Variants in BRD4 observed in about 807,000 individuals in gnomAD.
The protein encoded by BRD4 is bromodomain containing 4, also known as bromodomain-containing protein 4.
Under a neutral mutation model 142.1 loss-of-function variants are expected in BRD4, and 16 were observed. The observed-to-expected ratio is 0.11, with a 90% CI of 0.08 to 0.17. The LOEUF is 0.17. BRD4 is among the 10% of genes least tolerant of loss of function. The pLI is 1.00. For synonymous variants in BRD4, 833 were observed against 707.5 expected (o/e 1.18, Z -2.82); for missense variants, 1,424 against 1,810.9 (o/e 0.79, Z 3.88).
At chr19:15,320,441 G>A (rs1362968120) in intron 1 of BRD4, among the ~76,000 whole-genome samples, 1 of 152,090 alleles carries the variant, frequency 6.6e-6, no homozygotes, top group Admixed American at 6.5e-5. Context: ...ACTAACAATA[G>A]TTACTAGTAA....
At chr19:15,313,717 T>A (rs565109863) in intron 1 of BRD4, among the ~76,000 whole-genome samples, 3 of 152,172 alleles carry the variant, frequency 2.0e-5, no homozygotes, top group African/African-American at 7.2e-5. Flanking sequence ...AACTGTTTAA[T>A]GTATTAATAT....
chr19:15,306,413 C>T (rs770571241), intron 1 of BRD4, among the ~76,000 whole-genome samples: 7 of 152,126 alleles, frequency 4.6e-5, no homozygotes, highest in Non-Finnish European at 8.8e-5. Context: ...GGACCACAGG[C>T]GTGTGCCACC....
intron 1 of BRD4, among the ~76,000 whole-genome samples, chr19:15,326,522 T>A (rs972894075): frequency 6.6e-6 from 1 of 151,986 alleles, no homozygotes; most frequent in East Asian, 1.9e-4. Flanking sequence ...ACAAAGAACT[T>A]CACTACAACC....
In BRD4 at chr19:15,254,143, T is replaced by C. The variant is rs199836000; in HGVS notation, c.2158+9A>G. ...TTTGGTAAGACACGTAGAACACAAGTCACCTAACCTGTTTCGGAGTCTTCG... is the reference window on the plus strand; with the variant it reads ...TTTGGTAAGACACGTAGAACACAAGCCACCTAACCTGTTTCGGAGTCTTCG... On this transcript the variant is annotated intron_variant, in intron 11 of 19. Coordinates refer to ENST00000679869, the MANE Select transcript of BRD4 (RefSeq NM_001379291.1). 6.2e-7 allele frequency: 1 copy of C among 1,611,650 alleles called. No homozygotes were observed. Among genetic ancestry groups the C allele is most frequent in the Admixed American group, 1.7e-5 (1 of 60,012 alleles).
intron 1 of BRD4, among the ~76,000 whole-genome samples, chr19:15,330,230 C>A (rs1296633348): frequency 6.6e-6 from 1 of 152,136 alleles, no homozygotes; most frequent in Non-Finnish European, 1.5e-5. Flanking sequence ...CCAGTTTGAG[C>A]CTTTAAGATA....
intron 4 of BRD4, 103 bp from the exon 5 acceptor site, chr19:15,265,746 TG>T: frequency 8.0e-7 from 1 of 1,254,920 alleles, no homozygotes. Flanking sequence ...CACATTCGCG[TG>T]TTGCATTTGC....
Position 15,239,294 on chromosome 19 carries a change from G to T in BRD4, c.3577-30C>A. On this transcript the variant is annotated intron_variant, in intron 17 of 19. Transcript: ENST00000679869. The surrounding 1 kb of genome is among the most constrained non-coding windows in gnomAD (Gnocchi z 7.4). ...AGAACAGAGAGGTTGGGGTGGGTGA[G>T]GGGTCTGCTGTGCCTAAAGGGCATA... The T allele has an allele frequency of 6.2e-7, 1 of 1,613,346 alleles. No individual in the cohort carries two copies. Among genetic ancestry groups the T allele is most frequent in the South Asian group, 1.1e-5 (1 of 91,064 alleles).
intron 7 of BRD4, chr19:15,257,465 C>A: frequency 2.1e-6 from 1 of 477,950 alleles, no homozygotes; most frequent in Non-Finnish European, 3.7e-6. Flanking sequence ...GAGACCCAGG[C>A]CACTAAGACA....
rs1287515893 is a variant in BRD4 at position 15,249,124 on chromosome 19, A to C, written c.2159-4362T>G. 7.8e-6 allele frequency: 10 copies of C among 1,289,030 alleles called. No homozygotes were observed. In the African/African-American group the frequency reaches 1.3e-4, roughly 17 times the overall value. 79.8% of individuals were successfully genotyped at this position (1,289,030 alleles called of 1,614,324 possible). On this transcript the variant is annotated intron_variant, in intron 11 of 19. Transcript: ENST00000679869. ...GACTAGGCGTGTGCTGCTGGACATG[A>C]CTAATCCACCCCGGGGGACAGGCCC... is the stretch of plus-strand genomic sequence containing the variant.
At chr19:15,321,868 C>T (rs910790176) in intron 1 of BRD4, among the ~76,000 whole-genome samples, 3 of 152,164 alleles carry the variant, frequency 2.0e-5, no homozygotes, top group African/African-American at 7.2e-5. Flanking sequence ...CTCCAACTTC[C>T]CTCACCCTAC....
intron 7 of BRD4, among the ~76,000 whole-genome samples, chr19:15,262,416 AAAG>A (rs1435636250): frequency 6.6e-6 from 1 of 152,004 alleles, no homozygotes; most frequent in South Asian, 2.1e-4. Flanking sequence ...AGAATTTAAA[AAAG>A]AAGATGAGTC....
intron 1 of BRD4, among the ~76,000 whole-genome samples, chr19:15,326,153 TAAA>T (rs755812111): frequency 9.9e-6 from 1 of 100,886 alleles, no homozygotes; most frequent in Non-Finnish European, 2.0e-5. Flanking sequence ...AATGTAGCAT[TAAA>T]AAAAAAAAAA....
chr19:15,324,282 T>C (rs1485879097), intron 1 of BRD4, among the ~76,000 whole-genome samples: 1 of 152,220 alleles, frequency 6.6e-6, no homozygotes, highest in East Asian at 1.9e-4. Flanking sequence ...TCAAATTTAT[T>C]CACATTCTCT....
intron 1 of BRD4, among the ~76,000 whole-genome samples, chr19:15,274,765 A>G (rs886987102): frequency 5.9e-5 from 9 of 152,250 alleles, no homozygotes; most frequent in African/African-American, 2.2e-4. Context: ...ACTTGCAGCA[A>G]AGCCAAGGGA....
chr19:15,296,008 T>C (rs1042076918), intron 1 of BRD4, among the ~76,000 whole-genome samples: 2 of 151,652 alleles, frequency 1.3e-5, no homozygotes, highest in African/African-American at 4.9e-5. Flanking sequence ...TATGATTGTT[T>C]AGGTAAAGAA....
rs763100026 is a variant in BRD4, at chr19:15,239,094, C to T, written c.3747G>A (p.Glu1249=). 3.3e-5 allele frequency: 53 copies of T among 1,606,502 alleles called. No individual in the cohort carries two copies. The highest frequency in any genetic ancestry group is 2.5e-6 in the Non-Finnish European group (3 of 1,179,286). The change falls in exon 18 of 20, where the codon GAG becomes GAA. Residue 1249 remains glutamate, a synonymous_variant. Coordinates refer to ENST00000679869, the MANE Select transcript of BRD4 (RefSeq NM_001379291.1). The surrounding 1 kb of genome is among the most constrained non-coding windows in gnomAD (Gnocchi z 7.4). ...CCTGCCGCAGCCGCTCCTTCTCCTT[C>T]TCAGCGTGCTCGGCCTGAGCCTTCA... ...KALKAQAEHA[E]KEKERLRQER...
chr19:15,263,410 C>T lies in BRD4; in HGVS notation c.1341+10G>A. ...TCTGCTGAGGGTGGCTGCGCCCTCC[C>T]AAGCCTCACCTGGAGCTTGCGGGCC... On this transcript the variant is annotated intron_variant, in intron 7 of 19. Transcript: ENST00000679869. The T allele has an allele frequency of 2.5e-6, 4 of 1,613,254 alleles. No homozygotes were observed. Among genetic ancestry groups the T allele is most frequent in the Non-Finnish European group, 2.5e-6 (3 of 1,179,188 alleles).
intron 1 of BRD4, among the ~76,000 whole-genome samples, chr19:15,295,549 C>T (rs1304319785): frequency 6.6e-6 from 1 of 152,178 alleles, no homozygotes; most frequent in Non-Finnish European, 1.5e-5. Context: ...GATGCTTTCC[C>T]CCTGCATCTG....
chr19:15,299,683 A>T (rs1264982764), intron 1 of BRD4, among the ~76,000 whole-genome samples: 2 of 152,242 alleles, frequency 1.3e-5, no homozygotes, highest in Non-Finnish European at 2.9e-5. Flanking sequence ...TCAGTGGCCC[A>T]GCATGAGTGG....
Sources: gnomAD v4.1 joint callset for allele counts (sites outside exome capture counted in the v4.1 genomes callset) on GRCh38, gnomAD v4.1.1 for gene constraint, Gnocchi (gnomAD v3.1) non-coding constraint, MANE v1.5 for transcripts, NCBI Gene and HGNC (gene_info 2026-07-23, HGNC 2026-07-21) for gene names.